FTO: variants seen among roughly 807,000 people sequenced by gnomAD.
The protein encoded by FTO is alpha-ketoglutarate-dependent dioxygenase FTO.
A neutral mutation model predicts 63.9 loss-of-function variants in FTO; 47 were observed. That is an observed-to-expected ratio of 0.74 (90% CI 0.58 to 0.94). FTO has a LOEUF of 0.94. Among genes scored for constraint, FTO ranks in the 40% least tolerant of loss-of-function variants. FTO has a pLI of 0.00. For synonymous variants in FTO, 207 were observed against 224.4 expected (o/e 0.92, Z 0.69); for missense variants, 562 against 618.1 (o/e 0.91, Z 0.96).
intron 8 of FTO, among the ~76,000 whole-genome samples, chr16:54,004,429 T>G (rs1042894359): frequency 8.6e-5 from 13 of 151,436 alleles, no homozygotes; most frequent in African/African-American, 2.2e-4. Flanking sequence ...AATGTCGTGG[T>G]TTTTTTTTAA....
chr16:54,048,222 A>G (rs193147944), intron 8 of FTO, among the ~76,000 whole-genome samples: 14,163 of 124,790 alleles, frequency 0.11, 992 homozygotes, highest in Non-Finnish European at 0.16. Flanking sequence ...GTAAAAAAAA[A>G]TAAAAAATAA....
At chr16:53,905,622 A>G (rs896984641) in intron 7 of FTO, among the ~76,000 whole-genome samples, 1 of 152,134 alleles carries the variant, frequency 6.6e-6, no homozygotes, top group African/African-American at 2.4e-5. Context: ...GTCACCTCAC[A>G]GTGGCCCTTT....
At chr16:53,704,082 C>A, upstream of FTO, 3 of 1,212,030 alleles carry the variant, frequency 2.5e-6, no homozygotes, top group South Asian at 2.6e-5. Context: ...GGGAGAATAG[C>A]TCCAGACGGG....
At chr16:53,846,082 A>C (rs2079611679) in intron 4 of FTO, among the ~76,000 whole-genome samples, 2 of 151,944 alleles carry the variant, frequency 1.3e-5, no homozygotes, top group South Asian at 2.1e-4. Flanking sequence ...TGATCTTCCT[A>C]AAGTCACTTA....
At chr16:54,036,261 T>A (rs1212121567) in intron 8 of FTO, among the ~76,000 whole-genome samples, 1 of 152,202 alleles carries the variant, frequency 6.6e-6, no homozygotes, top group Non-Finnish European at 1.5e-5. Flanking sequence ...CCATAATGTT[T>A]TAAACATTTT....
intron 1 of FTO, among the ~76,000 whole-genome samples, chr16:53,795,971 A>G (rs528592873): frequency 4.6e-5 from 7 of 152,258 alleles, no homozygotes; most frequent in South Asian, 2.1e-4. Flanking sequence ...CTCACCAGGG[A>G]AACTGTTAAA....
chr16:53,872,092 C>G (rs1024825446), intron 4 of FTO, among the ~76,000 whole-genome samples: 13 of 152,122 alleles, frequency 8.5e-5, no homozygotes, highest in African/African-American at 2.9e-4. Flanking sequence ...AGCCTTTAAC[C>G]TAGGACTCAT....
Position 53,921,591 on chromosome 16 carries a change from T to TAA in FTO, c.1240-12392_1240-12391dup, listed in dbSNP as rs144157079. Among the ~76,000 whole-genome samples, 838 of 152,244 alleles carry TAA rather than the reference T, an allele frequency of 5.5e-3. 43 individuals are homozygous for TAA. The East Asian group carries it at 0.1, about 19-fold the overall frequency. The stretch of plus-strand genomic sequence containing the variant: ...TTGGGAGAGTTCTTGCTTTTATTTA[T>TAA]AAAGTTAATAGTTTTTGATAAAAAG... On this transcript the variant is annotated intron_variant, in intron 7 of 8. Coordinates refer to ENST00000471389, the MANE Select transcript of FTO (RefSeq NM_001080432.3).
At chr16:53,975,183 G>A (rs560380706) in intron 8 of FTO, among the ~76,000 whole-genome samples, 8 of 151,194 alleles carry the variant, frequency 5.3e-5, no homozygotes, top group South Asian at 2.1e-4. Flanking sequence ...AAAGAGTCAC[G>A]TATTTTGGTT....
chr16:54,011,255 G>A (rs1478821988), intron 8 of FTO, among the ~76,000 whole-genome samples: 2 of 152,084 alleles, frequency 1.3e-5, no homozygotes, highest in East Asian at 3.9e-4. Context: ...AAAAAGCTAT[G>A]GAGATTCTTA....
At chr16:53,797,745 A>G (rs1487050081) in intron 1 of FTO, among the ~76,000 whole-genome samples, 1 of 152,084 alleles carries the variant, frequency 6.6e-6, no homozygotes, top group Non-Finnish European at 1.5e-5. Context: ...CTTCCAAAGT[A>G]GTTGACCATT....
chr16:54,108,692 G>A (rs2086811140), intron 8 of FTO, among the ~76,000 whole-genome samples: 1 of 152,172 alleles, frequency 6.6e-6, no homozygotes, highest in African/African-American at 2.4e-5. Flanking sequence ...GCCAGGAAAT[G>A]TTCTAAACAC....
chr16:53,730,515 A>G lies in FTO; in HGVS notation c.45+26286A>G, dbSNP rs575495153. On this transcript the variant is annotated intron_variant, in intron 1 of 8. Coordinates refer to ENST00000471389, the MANE Select transcript of FTO (RefSeq NM_001080432.3). ...ATTTTAGAAGGCTTTTTTTTTTGAG[A>G]CAGGGTCTCACTCTCCTTGCCTAGG... is the stretch of plus-strand genomic sequence containing the variant. Among the ~76,000 whole-genome samples the G allele has an allele frequency of 1.1e-4, 16 of 150,298 alleles. No individual in the cohort carries two copies. In the South Asian group the frequency reaches 3.4e-3, roughly 32 times the overall value.
At chr16:53,777,257 A>T (rs2077482457) in intron 1 of FTO, among the ~76,000 whole-genome samples, 1 of 151,990 alleles carries the variant, frequency 6.6e-6, no homozygotes, top group South Asian at 2.1e-4. Context: ...TCTGCTCTCT[A>T]CTTCTATGAG....
chr16:53,841,003 C>T (rs1454157967), intron 3 of FTO, among the ~76,000 whole-genome samples: 1 of 137,882 alleles, frequency 7.3e-6, no homozygotes, highest in African/African-American at 2.7e-5. Context: ...GGTCCATGAA[C>T]TCCAGTTTAG....
At position 53,810,171 on chromosome 16, in the gene FTO, C is replaced by T. The variant is rs756522457; in HGVS notation, c.77C>T (p.Thr26Ile). 5 of 1,611,544 alleles carry T rather than the reference C, an allele frequency of 3.1e-6. No homozygotes were observed. Among genetic ancestry groups the T allele is most frequent in the South Asian group, 2.2e-5 (2 of 91,018 alleles). ...AGGCTTCTTGAAGAGCTTGAAGACACTTGGCTCCCTTATCTGACCCCCAAA... is the reference window on the plus strand; with the variant it reads ...AGGCTTCTTGAAGAGCTTGAAGACATTTGGCTCCCTTATCTGACCCCCAAA... Reference protein sequence around the residue: ...KLRLLEELEDTWLPYLTPKDD... With the variant: ...KLRLLEELEDIWLPYLTPKDD... Residue 26 changes from threonine (T) to isoleucine (I), a missense_variant, in exon 2 of 9, where the codon ACT (threonine) becomes ATT (isoleucine). Physicochemically the swap from Thr to Ile is moderately conservative, Grantham distance 89 (BLOSUM62 -1). Transcript: ENST00000471389.
rs545892505 is a variant in FTO at position 53,983,381 on chromosome 16, G to A, written c.1364+49272G>A. Among the ~76,000 whole-genome samples, 9 of 152,102 alleles carry A rather than the reference G, an allele frequency of 5.9e-5. No homozygotes were observed. In the East Asian group the frequency reaches 1.6e-3, roughly 26 times the overall value. On this transcript the variant is annotated intron_variant, in intron 8 of 8. Transcript: ENST00000471389. ...AATTTTTAGAGGAGATGCTGACCTG[G>A]TGGTCAGCCATTTTGACGGAACTGG... is the stretch of plus-strand genomic sequence containing the variant.
chr16:53,866,493 C>T (rs139647548), intron 4 of FTO, among the ~76,000 whole-genome samples: 1 of 152,058 alleles, frequency 6.6e-6, no homozygotes, highest in African/African-American at 2.4e-5. Context: ...CAACAGTGAA[C>T]ATATTTGGGC....
intron 4 of FTO, among the ~76,000 whole-genome samples, chr16:53,850,402 C>T (rs1450744245): frequency 6.6e-6 from 1 of 151,854 alleles, no homozygotes; most frequent in Non-Finnish European, 1.5e-5. Context: ...AAAATATGCC[C>T]CCAAATACTG....
Sources: gnomAD v4.1 joint callset for allele counts (sites outside exome capture counted in the v4.1 genomes callset) on GRCh38, gnomAD v4.1.1 for gene constraint, MANE v1.5 for transcripts, NCBI Gene and HGNC (gene_info 2026-07-23, HGNC 2026-07-21) for gene names.